SYNPR: variants seen among roughly 807,000 people sequenced by gnomAD.
SYNPR encodes the protein synaptoporin.
In SYNPR, 23 loss-of-function variants were observed where a neutral mutation model predicts 32.9. The observed-to-expected ratio is 0.70, with a 90% confidence interval of 0.50 to 0.99. The LOEUF is 0.99. Among genes scored for constraint, SYNPR ranks in the 50% least tolerant of loss-of-function variants. SYNPR has a pLI of 0.00. For missense variants in SYNPR, 318 were observed against 349.3 expected (o/e 0.91, Z 0.71); for synonymous variants, 146 against 135.9 (o/e 1.07, Z -0.52).
At chr3:63,306,307 C>A (rs1874928) in intron 2 of SYNPR, among the ~76,000 whole-genome samples, 2 of 151,698 alleles carry the variant, frequency 1.3e-5, no homozygotes, top group Non-Finnish European at 2.9e-5. Flanking sequence ...AAGCATCACT[C>A]CTTGGAGAGG....
intron 2 of SYNPR, among the ~76,000 whole-genome samples, chr3:63,262,196 A>G (rs2086444777): frequency 6.6e-6 from 1 of 152,206 alleles, no homozygotes; most frequent in African/African-American, 2.4e-5. Flanking sequence ...CCACCGCTGA[A>G]TTGGGGTATG....
intron 2 of SYNPR, among the ~76,000 whole-genome samples, chr3:63,361,269 T>G (rs2087656308): frequency 6.6e-6 from 1 of 151,978 alleles, no homozygotes; most frequent in Non-Finnish European, 1.5e-5. Context: ...GAAGGTAGCT[T>G]AGAGTGGTCT....
At chr3:63,265,538 C>G (rs1035459776) in intron 2 of SYNPR, among the ~76,000 whole-genome samples, 3 of 152,186 alleles carry the variant, frequency 2.0e-5, no homozygotes, top group Non-Finnish European at 4.4e-5. Flanking sequence ...AGGCGTGAGC[C>G]ACTGCGCCCA....
intron 2 of SYNPR, among the ~76,000 whole-genome samples, chr3:63,293,363 T>A (rs2086760864): frequency 6.6e-6 from 1 of 152,156 alleles, no homozygotes; most frequent in South Asian, 2.1e-4. Flanking sequence ...TATGCATAAG[T>A]GAAATGTTTA....
At chr3:63,357,565 T>C (rs1284883116) in intron 2 of SYNPR, among the ~76,000 whole-genome samples, 1 of 152,122 alleles carries the variant, frequency 6.6e-6, no homozygotes, top group East Asian at 1.9e-4. Flanking sequence ...GCCACAAGAA[T>C]CCCCATTCCC....
intron 2 of SYNPR, among the ~76,000 whole-genome samples, chr3:63,417,205 C>A (rs1315168853): frequency 1.3e-5 from 2 of 152,212 alleles, no homozygotes; most frequent in Non-Finnish European, 2.9e-5. Flanking sequence ...AAGAAAGGGG[C>A]CAGAGGCCCC....
chr3:63,439,441 A>G lies in SYNPR; in HGVS notation c.85-41391A>G, dbSNP rs115203500. 2.6e-3 allele frequency among the ~76,000 whole-genome samples: 398 copies of G among 152,332 alleles called. 1 individual carries two copies. The highest frequency in any genetic ancestry group is 4.2e-3 in the Non-Finnish European group (288 of 68,030). On this transcript the variant is annotated intron_variant, in intron 2 of 5. Coordinates refer to ENST00000478300, the MANE Select transcript of SYNPR (RefSeq NM_001130003.2). ...TTTTTGTCAGTTCCAATTCTATGATAGAGAGTGGTAGCCGACTGTCTGAGC... is the reference window on the plus strand; with the variant it reads ...TTTTTGTCAGTTCCAATTCTATGATGGAGAGTGGTAGCCGACTGTCTGAGC...
intron 3 of SYNPR, among the ~76,000 whole-genome samples, chr3:63,545,875 T>G (rs900543688): frequency 6.6e-6 from 1 of 152,170 alleles, no homozygotes; most frequent in Non-Finnish European, 1.5e-5. Flanking sequence ...GCCACCTTCC[T>G]GTATGTTTCT....
intron 5 of SYNPR, among the ~76,000 whole-genome samples, chr3:63,614,309 A>G (rs1700246921): frequency 6.6e-6 from 1 of 152,214 alleles, no homozygotes; most frequent in African/African-American, 2.4e-5. Flanking sequence ...AGCCTTGGAA[A>G]AGGCTGCAGA....
intron 3 of SYNPR, among the ~76,000 whole-genome samples, chr3:63,487,142 T>C (rs1229638056): frequency 6.6e-6 from 1 of 152,196 alleles, no homozygotes; most frequent in East Asian, 1.9e-4. Flanking sequence ...AACATACTTA[T>C]TTCTAGGTGG....
In SYNPR at chr3:63,546,163, C is replaced by T. The variant is rs182096544; in HGVS notation, c.210-10380C>T. 3.9e-5 allele frequency among the ~76,000 whole-genome samples: 6 copies of T among 152,204 alleles called. No homozygotes were observed. In the East Asian group the frequency reaches 9.7e-4, roughly 25 times the overall value. On this transcript the variant is annotated intron_variant, in intron 3 of 5. Coordinates refer to ENST00000478300, the MANE Select transcript of SYNPR (RefSeq NM_001130003.2). ...ACAACGTAGAGGCAGTCTGAGTTCTCTATTACTCAAATTCTATTTGAAGAG... is the reference window on the plus strand; with the variant it reads ...ACAACGTAGAGGCAGTCTGAGTTCTTTATTACTCAAATTCTATTTGAAGAG...
chr3:63,458,484 AC>A (rs1700524132), intron 2 of SYNPR, among the ~76,000 whole-genome samples: 1 of 152,094 alleles, frequency 6.6e-6, no homozygotes, highest in African/African-American at 2.4e-5. Flanking sequence ...TGGACCCCTT[AC>A]CTGTCATCAA....
At chr3:63,533,171 G>T (rs1432735664) in intron 3 of SYNPR, among the ~76,000 whole-genome samples, 1 of 152,140 alleles carries the variant, frequency 6.6e-6, no homozygotes, top group African/African-American at 2.4e-5. Context: ...TCTAGGATCT[G>T]GGACAGGGTA....
intron 4 of SYNPR, among the ~76,000 whole-genome samples, chr3:63,559,703 G>GTTTT: frequency 6.9e-6 from 1 of 144,910 alleles, no homozygotes; most frequent in African/African-American, 2.5e-5. Context: ...TTGGGCAAGT[G>GTTTT]TTTTTTTTTT....
chr3:63,270,888 C>T (rs866882088), intron 3 of SYNPR, among the ~76,000 whole-genome samples: 2 of 84,602 alleles, frequency 2.4e-5, no homozygotes, highest in South Asian at 3.2e-4. Context: ...TCCTTCCTTC[C>T]TTCCTTCCTT....
intron 2 of SYNPR, among the ~76,000 whole-genome samples, chr3:63,419,206 T>C (rs1183256736): frequency 6.6e-6 from 1 of 152,236 alleles, no homozygotes; most frequent in Non-Finnish European, 1.5e-5. Context: ...GGATGTGGAC[T>C]CAGCCCACCT....
intron 2 of SYNPR, among the ~76,000 whole-genome samples, chr3:63,460,797 G>C (rs1468188342): frequency 6.6e-6 from 1 of 152,000 alleles, no homozygotes; most frequent in Non-Finnish European, 1.5e-5. Context: ...AGTCAGACTT[G>C]TATTCTGGAA....
chr3:63,490,542 G>A (rs1013244833), intron 3 of SYNPR, among the ~76,000 whole-genome samples: 8 of 152,084 alleles, frequency 5.3e-5, no homozygotes, highest in Non-Finnish European at 1.0e-4. Context: ...AGGCAGCAGA[G>A]AGGGAAGGCA....
chr3:63,544,601 C>T (rs1505595), intron 3 of SYNPR, among the ~76,000 whole-genome samples: 39,139 of 151,884 alleles, frequency 0.26, 5,436 homozygotes, highest in African/African-American at 0.37. Context: ...AATGAAATGA[C>T]AGTAAGCAAT....
Sources: gnomAD v4.1 joint callset for allele counts (sites outside exome capture counted in the v4.1 genomes callset) on GRCh38, gnomAD v4.1.1 for gene constraint, MANE v1.5 for transcripts, NCBI Gene and HGNC (gene_info 2026-07-23, HGNC 2026-07-21) for gene names.